Variants in C1orf94 observed in about 807,000 individuals in gnomAD.
C1orf94 encodes the protein uncharacterized protein C1orf94.
Under a neutral mutation model 53.6 loss-of-function variants are expected in C1orf94, and 45 were observed. That is an observed-to-expected ratio of 0.84 (90% CI 0.66 to 1.08). C1orf94 has a LOEUF of 1.08. Ranked by LOEUF, C1orf94 falls within the 50% of genes least tolerant of loss-of-function variation. The pLI is 0.00. For synonymous variants in C1orf94, 304 were observed against 296.1 expected (o/e 1.03, Z -0.27); for missense variants, 762 against 738.9 (o/e 1.03, Z -0.36).
At position 34,177,715 on chromosome 1, in the gene C1orf94, C is replaced by T; in HGVS notation, c.-75C>T. The T allele has an allele frequency of 5.1e-6, 7 of 1,384,906 alleles. No individual in the cohort carries two copies. In the South Asian group the frequency reaches 1.0e-4, roughly 21 times the overall value. The allele number at this position is 1,384,906 out of a possible 1,614,324, so 85.8% of individuals were successfully genotyped here. A position where few individuals can be genotyped will look rare whatever the true frequency, so the allele number is the denominator to read the frequency against. On this transcript the variant is annotated 5_prime_UTR_variant, in exon 1 of 7. Transcript: ENST00000488417. ...CAAATAGAAGGCCTCTGAACCTAAC[C>T]ACCTTGCTGGAGCGAAAGCCAGACA...
upstream of C1orf94, among the ~76,000 whole-genome samples, chr1:34,174,295 A>T (rs1007793616): frequency 6.6e-6 from 1 of 152,230 alleles, no homozygotes; most frequent in Non-Finnish European, 1.5e-5. Flanking sequence ...ACTGTATAAC[A>T]CGTTTATCTG....
intron 4 of C1orf94, among the ~76,000 whole-genome samples, chr1:34,203,991 T>C (rs1055082632): frequency 3.3e-5 from 5 of 152,198 alleles, no homozygotes; most frequent in Non-Finnish European, 7.3e-5. Flanking sequence ...CAGAATTGTA[T>C]GTCATTGTAT....
At chr1:34,201,605 C>G (rs1474754342) in intron 3 of C1orf94, among the ~76,000 whole-genome samples, 1 of 152,112 alleles carries the variant, frequency 6.6e-6, no homozygotes, top group Non-Finnish European at 1.5e-5. Flanking sequence ...TTTTAAAATT[C>G]CCATATAGAT....
intron 5 of C1orf94, among the ~76,000 whole-genome samples, chr1:34,210,332 C>G (rs746097673): frequency 3.7e-4 from 57 of 152,186 alleles, no homozygotes; most frequent in Non-Finnish European, 1.9e-4. Flanking sequence ...TGCCTGCGCC[C>G]AGCATCACCA....
At chr1:34,217,597 G>A (rs1354260675) in intron 6 of C1orf94, among the ~76,000 whole-genome samples, 1 of 152,184 alleles carries the variant, frequency 6.6e-6, no homozygotes, top group Admixed American at 6.5e-5. Context: ...TAAAGTCTCT[G>A]CTCTCTTGGC....
rs770963089 is a variant in C1orf94 at position 34,202,070 on chromosome 1, C to T, written c.1271-14C>T. 2.5e-6 allele frequency: 4 copies of T among 1,610,928 alleles called. No individual in the cohort carries two copies. Among genetic ancestry groups the T allele is most frequent in the South Asian group, 2.2e-5 (2 of 90,364 alleles). On this transcript the variant is annotated splice_polypyrimidine_tract_variant and intron_variant, in intron 3 of 6. Transcript: ENST00000488417. The stretch of plus-strand genomic sequence containing the variant: ...TCCATCACTGACCCGCTTTGCCTCT[C>T]CTGTGACTTGCAGTTAACGCACCTG...
chr1:34,175,210 T>TG (rs1642207702), upstream of C1orf94, among the ~76,000 whole-genome samples: 1 of 121,124 alleles, frequency 8.3e-6, no homozygotes, highest in Non-Finnish European at 1.7e-5. Context: ...TTTTTTTTTT[T>TG]GCAGTCCTTT....
At chr1:34,208,973 T>C (rs1230776296) in intron 5 of C1orf94, among the ~76,000 whole-genome samples, 4 of 152,142 alleles carry the variant, frequency 2.6e-5, no homozygotes, top group Non-Finnish European at 4.4e-5. Context: ...GGACACCCAG[T>C]TAAATTTGAA....
rs746654701 is a variant in C1orf94 at position 34,197,385 on chromosome 1, A to G, written c.481A>G (p.Ile161Val). The G allele has an allele frequency of 3.1e-6, 5 of 1,613,578 alleles. No homozygotes were observed. Among genetic ancestry groups the G allele is most frequent in the Non-Finnish European group, 4.2e-6 (5 of 1,179,686 alleles). Residue 161 changes from isoleucine to valine, a missense_variant, in exon 2 of 7, where the codon ATT (isoleucine) becomes GTT (valine). Ile to Val is a conservative substitution (Grantham distance 29). Transcript: ENST00000488417. This position sits in a 1 kb window ranked among gnomAD's most constrained non-coding sequence, Gnocchi z 4.1. ...PEGTRELAPC[I>V]LAPPLVAGSN... ...GGGGACCAGAGAGCTGGCTCCCTGC[A>G]TTCTTGCCCCTCCTCTAGTGGCAGG...
chr1:34,194,086 A>G (rs182144539), intron 1 of C1orf94, among the ~76,000 whole-genome samples: 1 of 152,312 alleles, frequency 6.6e-6, no homozygotes, highest in Admixed American at 6.5e-5. Flanking sequence ...CAGTGTGGGA[A>G]TGAATGGGGA....
At chr1:34,200,465 AATGGATGGACAGATGG>A (rs1307843806) in intron 2 of C1orf94, among the ~76,000 whole-genome samples, 1 of 152,132 alleles carries the variant, frequency 6.6e-6, no homozygotes, top group Admixed American at 6.5e-5. Flanking sequence ...TAGTCAGACA[AATGGATGGACAGATGG>A]ATGGATGGAT....
chr1:34,178,131 T>G, intron 1 of C1orf94, 22 bp downstream of exon 1: 1 of 1,543,296 alleles, frequency 6.5e-7, no homozygotes, highest in Non-Finnish European at 8.8e-7. Context: ...CCTACTCCAT[T>G]GGCAGCAAGG....
rs374496926 is a variant in C1orf94 at position 34,212,458 on chromosome 1, C to G, written c.1721+52C>G. The G allele has an allele frequency of 4.5e-6, 7 of 1,543,634 alleles. No homozygotes were observed. In the East Asian group the frequency reaches 1.1e-4, roughly 25 times the overall value. ...AGGGTATCCAGAAAGCTGGTGGGAA[C>G]GGGGGCAAGTTGGGTGGGCTTACCA... On this transcript the variant is annotated intron_variant, in intron 6 of 6. Coordinates refer to ENST00000488417, the MANE Select transcript of C1orf94 (RefSeq NM_001134734.2).
At chr1:34,215,522 G>A (rs1642970717) in intron 6 of C1orf94, among the ~76,000 whole-genome samples, 2 of 152,226 alleles carry the variant, frequency 1.3e-5, no homozygotes, top group Admixed American at 1.3e-4. Flanking sequence ...TGAGCAAGAG[G>A]CATTGGTGGG....
chr1:34,197,992 T>G lies in C1orf94; in HGVS notation c.1009+79T>G, dbSNP rs1018340228. 8.0e-6 allele frequency: 11 copies of G among 1,383,216 alleles called. No individual in the cohort carries two copies. The highest frequency in any genetic ancestry group is 1.1e-5 in the Non-Finnish European group (11 of 1,019,494). 85.7% of individuals were successfully genotyped at this position (1,383,216 alleles called of 1,614,324 possible). A position where few individuals can be genotyped will look rare whatever the true frequency, so the allele number is the denominator to read the frequency against. ...CAGGAAGCCAATCAGGGCTGCAGCA[T>G]GTACATAAAGCATCTTCATGCAAAG... On this transcript the variant is annotated intron_variant, in intron 2 of 6. Transcript: ENST00000488417. This position sits in a 1 kb window ranked among gnomAD's most constrained non-coding sequence, Gnocchi z 4.1.
chr1:34,215,282 G>C (rs1013057693), intron 6 of C1orf94, among the ~76,000 whole-genome samples: 3 of 152,230 alleles, frequency 2.0e-5, no homozygotes, highest in Non-Finnish European at 4.4e-5. Context: ...AAACAGTGAG[G>C]GAGGGAGTGC....
chr1:34,213,549 TA>T (rs950574708), intron 6 of C1orf94, among the ~76,000 whole-genome samples: 2 of 152,156 alleles, frequency 1.3e-5, no homozygotes, highest in African/African-American at 4.8e-5. Flanking sequence ...TTATTATTAT[TA>T]TTTTTTTGAG....
chr1:34,202,042 GCCT>G, intron 3 of C1orf94, 39 bp from the exon 4 acceptor site: 3 of 1,597,598 alleles, frequency 1.9e-6, no homozygotes, highest in Non-Finnish European at 2.6e-6. Flanking sequence ...GCCTCTCCCT[GCCT>G]CCATCACTGA....
intron 6 of C1orf94, among the ~76,000 whole-genome samples, chr1:34,218,379 G>A (rs973087439): frequency 2.0e-5 from 3 of 152,106 alleles, no homozygotes; most frequent in Non-Finnish European, 4.4e-5. Flanking sequence ...GTCCAGAGAG[G>A]GTCCCTGTTC....
Sources: allele counts gnomAD v4.1 joint callset (sites outside exome capture counted in the v4.1 genomes callset), GRCh38; gene constraint gnomAD v4.1.1; non-coding constraint Gnocchi (gnomAD v3.1); transcripts MANE v1.5; gene names NCBI Gene and HGNC (gene_info 2026-07-23, HGNC 2026-07-21).